The following COL22A1 variants were observed in gnomAD, a reference collection of about 807,000 sequenced individuals.
COL22A1 encodes collagen type XXII alpha 1 chain, also known as collagen alpha-1(XXII) chain.
In COL22A1, 221 loss-of-function variants were observed where a neutral mutation model predicts 248.9. The observed-to-expected ratio is 0.89, with a 90% CI of 0.80 to 0.99. COL22A1 has a LOEUF of 0.99. Among genes scored for constraint, COL22A1 ranks in the 50% least tolerant of loss-of-function variants. The probability of loss-of-function intolerance (pLI) is 0.00; values close to 1 mark genes in which losing one functional copy is unlikely to be tolerated. For missense variants in COL22A1, 2,240 were observed against 2,179.0 expected (o/e 1.03, Z -0.56); for synonymous variants, 891 against 793.4 (o/e 1.12, Z -2.07).
At chr8:138,821,433 A>G in intron 6 of COL22A1, 22 bp from the exon 7 acceptor site, 1 of 1,604,342 alleles carries the variant, frequency 6.2e-7, no homozygotes, top group South Asian at 1.1e-5. Flanking sequence ...AGGACCAGAG[A>G]CTCCTTGAGC....
intron 3 of COL22A1, among the ~76,000 whole-genome samples, chr8:138,855,520 T>C (rs1005347195): frequency 6.6e-6 from 1 of 152,156 alleles, no homozygotes; most frequent in Non-Finnish European, 1.5e-5. Flanking sequence ...GGGCCTCTTG[T>C]GCATCGGAGC....
chr8:138,730,973 T>C (rs1350777384), intron 23 of COL22A1, among the ~76,000 whole-genome samples: 1 of 151,982 alleles, frequency 6.6e-6, no homozygotes, highest in East Asian at 1.9e-4. Flanking sequence ...AGAGGTGGCA[T>C]CAAAGAGTGA....
chr8:138,765,786 G>C (rs1201091933), intron 16 of COL22A1, among the ~76,000 whole-genome samples: 7 of 152,336 alleles, frequency 4.6e-5, no homozygotes, highest in Admixed American at 3.3e-4. Flanking sequence ...TGCCCAGAGA[G>C]AGAAAGAGTG....
chr8:138,718,548 C>T (rs1019781162), intron 27 of COL22A1, among the ~76,000 whole-genome samples: 10 of 152,186 alleles, frequency 6.6e-5, no homozygotes, highest in East Asian at 1.9e-4. Context: ...CTGCTCATCC[C>T]GCAGACAGCT....
chr8:138,687,031 A>G (rs1177653487), intron 37 of COL22A1, among the ~76,000 whole-genome samples: 5 of 152,202 alleles, frequency 3.3e-5, no homozygotes, highest in African/African-American at 1.2e-4. Context: ...ATCTCAGCTC[A>G]AGGCAACCTC....
intron 7 of COL22A1, among the ~76,000 whole-genome samples, chr8:138,816,863 G>T (rs1818723807): frequency 6.6e-6 from 1 of 152,162 alleles, no homozygotes; most frequent in African/African-American, 2.4e-5. Flanking sequence ...CTTGATACTT[G>T]GTTTTAACAT....
At chr8:138,780,901 G>C in intron 13 of COL22A1, 26 bp downstream of exon 13, 1 of 1,602,512 alleles carries the variant, frequency 6.2e-7, no homozygotes, top group Non-Finnish European at 8.6e-7. Flanking sequence ...TGCCTTGTGA[G>C]CCAGGGCAGA....
intron 45 of COL22A1, among the ~76,000 whole-genome samples, chr8:138,652,524 A>T (rs1822832994): frequency 6.6e-6 from 1 of 152,168 alleles, no homozygotes; most frequent in Admixed American, 6.5e-5. Flanking sequence ...GAGTTATCTC[A>T]GGCAAGTCAA....
chr8:138,597,689 T>C (rs1402615014), intron 61 of COL22A1, among the ~76,000 whole-genome samples: 1 of 152,232 alleles, frequency 6.6e-6, no homozygotes, highest in Non-Finnish European at 1.5e-5. Context: ...ACGGTGCTCA[T>C]CTCTGTAGCC....
At chr8:138,882,212 C>CA (rs1824262875) in intron 2 of COL22A1, among the ~76,000 whole-genome samples, 3 of 152,018 alleles carry the variant, frequency 2.0e-5, no homozygotes, top group African/African-American at 4.8e-5. Flanking sequence ...CGTGTTAAAG[C>CA]AACTCATTCC....
chr8:138,808,464 G>A (rs997527841), intron 9 of COL22A1, among the ~76,000 whole-genome samples: 2 of 152,146 alleles, frequency 1.3e-5, no homozygotes, highest in Non-Finnish European at 1.5e-5. Flanking sequence ...ACTGCTAGCG[G>A]TTCATGTAGT....
chr8:138,801,283 C>G (rs1816976415), intron 11 of COL22A1, among the ~76,000 whole-genome samples: 1 of 152,154 alleles, frequency 6.6e-6, no homozygotes. Context: ...CCTGAGAAAC[C>G]AGTGTCATTC....
intron 43 of COL22A1, 141 bp downstream of exon 43, chr8:138,661,889 G>A: frequency 1.9e-6 from 1 of 539,058 alleles, no homozygotes; most frequent in South Asian, 3.3e-5. Context: ...TAAAAAGCAT[G>A]TCCATGGGGC....
rs1009051202 is a variant in COL22A1 at position 138,846,369 on chromosome 8, C to G, written c.659-2211G>C. On this transcript the variant is annotated intron_variant, in intron 3 of 64. Transcript: ENST00000303045. ...GGCGGCTGGACCTCAGAGTAGGCTG[C>G]TCCATTGAGTCACATCTCTGCAAAT... Among the ~76,000 whole-genome samples, 4 of 152,320 alleles carry G rather than the reference C, an allele frequency of 2.6e-5. No homozygotes were observed. In the East Asian group the frequency reaches 7.7e-4, roughly 29 times the overall value.
At chr8:138,687,236 C>T (rs1030793350) in intron 37 of COL22A1, among the ~76,000 whole-genome samples, 8 of 152,286 alleles carry the variant, frequency 5.3e-5, no homozygotes, top group East Asian at 3.9e-4. Flanking sequence ...GGATTACAGG[C>T]GTGAGCCACC....
intron 45 of COL22A1, among the ~76,000 whole-genome samples, chr8:138,654,425 AGT>A (rs748712082): frequency 1.2e-3 from 182 of 152,320 alleles, no homozygotes; most frequent in Non-Finnish European, 2.2e-3. Flanking sequence ...CTCAATTTAC[AGT>A]GAGATTGAAC....
chr8:138,802,279 C>G (rs1817059827), intron 11 of COL22A1, among the ~76,000 whole-genome samples: 1 of 152,038 alleles, frequency 6.6e-6, no homozygotes, highest in Admixed American at 6.5e-5. Context: ...TAATTGCATT[C>G]ACTCATCAGC....
chr8:138,807,733 G>A (rs1412623676), intron 10 of COL22A1, 35 bp downstream of exon 10: 4 of 1,606,350 alleles, frequency 2.5e-6, no homozygotes, highest in East Asian at 2.2e-5. Flanking sequence ...GACAAGTGAG[G>A]TTCTAAACTA....
At chr8:138,678,345 G>A (rs769623837) in intron 40 of COL22A1, among the ~76,000 whole-genome samples, 24 of 152,162 alleles carry the variant, frequency 1.6e-4, no homozygotes, top group South Asian at 1.0e-3. Context: ...GGTCCCTCTG[G>A]GCCTCTGAGT....
Sources: allele counts gnomAD v4.1 joint callset (sites outside exome capture counted in the v4.1 genomes callset), GRCh38; gene constraint gnomAD v4.1.1; transcripts MANE v1.5; gene names NCBI Gene and HGNC (gene_info 2026-07-23, HGNC 2026-07-21).